Variants in EDRF1 observed in about 807,000 individuals in gnomAD.
EDRF1 encodes erythroid differentiation regulatory factor 1.
EDRF1 carries 69 observed loss-of-function variants against 148.7 expected under a neutral mutation model. The observed-to-expected ratio is 0.46, with a 90% confidence interval of 0.38 to 0.57. The LOEUF (loss-of-function observed/expected upper bound fraction) is 0.57, where lower values mean the gene tolerates loss of function less well. Among genes scored for constraint, EDRF1 ranks in the 20% least tolerant of loss-of-function variants. The pLI is 0.00. For synonymous variants in EDRF1, 515 were observed against 532.8 expected (o/e 0.97, Z 0.46); for missense variants, 1,118 against 1,478.7 (o/e 0.76, Z 4.00).
intron 22 of EDRF1, among the ~76,000 whole-genome samples, chr10:125,749,969 C>T (rs1057147434): frequency 2.0e-5 from 3 of 152,020 alleles, no homozygotes; most frequent in African/African-American, 2.4e-5. Flanking sequence ...AGTGAAACCC[C>T]GTCTCTACTA....
chr10:125,760,282 A>C (rs1850133352), intron 24 of EDRF1, among the ~76,000 whole-genome samples: 1 of 152,250 alleles, frequency 6.6e-6, no homozygotes, highest in Non-Finnish European at 1.5e-5. Context: ...GATTTTTCAC[A>C]AGTCAATCAT....
At position 125,719,755 on chromosome 10, in the gene EDRF1, G is replaced by A. The variant is rs1847883922; in HGVS notation, c.-53G>A. 2 of 1,458,758 alleles carry A rather than the reference G, an allele frequency of 1.4e-6. No individual in the cohort carries two copies. The highest frequency in any genetic ancestry group is 2.8e-5 in the African/African-American group (2 of 71,430). 90.4% of individuals were successfully genotyped at this position (1,458,758 alleles called of 1,614,324 possible). ...GCTTACCCTGCTTTGGGCCTGCGTT[G>A]CTGCTGCTGCTCCTCCGCTCCCCCG... is the stretch of plus-strand genomic sequence containing the variant. On this transcript the variant is annotated 5_prime_UTR_variant, in exon 1 of 25. Coordinates refer to ENST00000356792, the MANE Select transcript of EDRF1 (RefSeq NM_001202438.2).
intron 24 of EDRF1, among the ~76,000 whole-genome samples, chr10:125,754,999 CAG>C (rs1181560827): frequency 2.6e-5 from 4 of 152,158 alleles, no homozygotes; most frequent in African/African-American, 9.7e-5. Context: ...ACAGTTATGA[CAG>C]AAAACAGTTC....
At chr10:125,740,394 A>G (rs1457953550) in intron 15 of EDRF1, 69 bp from the exon 16 acceptor site, 37 of 1,515,914 alleles carry the variant, frequency 2.4e-5, no homozygotes, top group Non-Finnish European at 1.5e-5. Flanking sequence ...GAAACAGAAA[A>G]TATTTTTTGT....
rs1276673900 is a variant in EDRF1, at chr10:125,747,595, T to C, written c.2874T>C (p.Ala958=). The C allele has an allele frequency of 6.2e-7, 1 of 1,614,204 alleles. No individual in the cohort carries two copies. Among genetic ancestry groups the C allele is most frequent in the South Asian group, 1.1e-5 (1 of 91,092 alleles). The change falls in exon 20 of 25, where the codon GCT becomes GCC. Residue 958 remains alanine, a synonymous_variant. Coordinates refer to ENST00000356792, the MANE Select transcript of EDRF1 (RefSeq NM_001202438.2). ...RSLGTRDIHP[A]VWDSVNWELS... Reference sequence around the variant, plus strand: ...TGGGAACACGAGACATACACCCAGCTGTTTGGGATTCAGTGAACTGGGAAT... The same window carrying C: ...TGGGAACACGAGACATACACCCAGCCGTTTGGGATTCAGTGAACTGGGAAT...
At chr10:125,731,295 G>A (rs926926029) in intron 9 of EDRF1, among the ~76,000 whole-genome samples, 25 of 152,222 alleles carry the variant, frequency 1.6e-4, no homozygotes, top group Non-Finnish European at 2.9e-5. Context: ...TAGAAGTGTA[G>A]CACACAGAAA....
Position 125,742,574 on chromosome 10 carries a change from T to G in EDRF1, c.2372-484T>G, listed in dbSNP as rs1849086049. 5.1e-6 allele frequency: 5 copies of G among 985,296 alleles called. No individual in the cohort carries two copies. In the South Asian group the frequency reaches 1.9e-4, roughly 37 times the overall value. The allele number at this position is 985,296 out of a possible 1,614,324, so 61.0% of individuals were successfully genotyped here. The stretch of plus-strand genomic sequence containing the variant: ...TAGTAGGAAAGTCCTTGGTGTATTT[T>G]TACTACTCCCATCATAGCAATTTCA... On this transcript the variant is annotated intron_variant, in intron 17 of 24. Transcript: ENST00000356792.
chr10:125,723,195 C>A, intron 3 of EDRF1, 61 bp downstream of exon 3: 2 of 1,405,880 alleles, frequency 1.4e-6, no homozygotes, highest in Non-Finnish European at 2.0e-6. Flanking sequence ...TGTTTTATAT[C>A]ATGCTGTGTT....
Position 125,750,498 on chromosome 10 carries a change from CAAG to C in EDRF1, c.3277+936_3277+938del, listed in dbSNP as rs2133750430. On this transcript the variant is annotated intron_variant, in intron 22 of 24. Transcript: ENST00000356792. Reference sequence around the variant, plus strand: ...AAATATCTCCTGTGTGGTAAAGAAACAAGAAACAATTATTTGAAGTGCAGCAGT... The same window carrying C: ...AAATATCTCCTGTGTGGTAAAGAAACAAACAATTATTTGAAGTGCAGCAGT... The C allele has an allele frequency of 2.0e-5, 3 of 152,302 alleles. No homozygotes were observed. In the South Asian group the frequency reaches 6.2e-4, roughly 32 times the overall value. The allele number at this position is 152,302 out of a possible 1,614,324, so 9.4% of individuals were successfully genotyped here. A position where few individuals can be genotyped will look rare whatever the true frequency, so the allele number is the denominator to read the frequency against.
intron 12 of EDRF1, 65 bp from the exon 13 acceptor site, chr10:125,735,579 T>C: frequency 6.5e-7 from 1 of 1,533,826 alleles, no homozygotes; most frequent in South Asian, 1.1e-5. Context: ...TTCGTTAGTA[T>C]GGTAGTAAAA....
Position 125,745,823 on chromosome 10 carries a change from TTA to T in EDRF1, c.2709_2710del (p.Cys904Ter). On this transcript the variant is annotated frameshift_variant, in exon 19 of 25. Transcript: ENST00000356792. LOFTEE classifies it high-confidence loss of function. ...IEDATNAALL[L>X]CNTGRLMRIC... ...GGATGCCACCAATGCCGCCCTTTTA[TTA>T]TGTAACACGGGAAGGCTCATGCGGA... 6.2e-7 allele frequency: 1 copy of T among 1,614,238 alleles called. No homozygotes were observed. Among genetic ancestry groups the T allele is most frequent in the Admixed American group, 1.7e-5 (1 of 60,028 alleles).
At chr10:125,738,266 G>T (rs3943225) in intron 14 of EDRF1, 29 bp from the exon 15 acceptor site, 1,421,749 of 1,613,534 alleles carry the variant, frequency 0.88, 627,014 homozygotes, top group East Asian at 0.93. Context: ...AAGTTAGATA[G>T]ATAGTGAATG....
chr10:125,747,482 T>C, intron 19 of EDRF1, 54 bp from the exon 20 acceptor site: 1 of 1,579,312 alleles, frequency 6.3e-7, no homozygotes, highest in Middle Eastern at 1.7e-4. Flanking sequence ...TTTAATGCAG[T>C]ATTGGTATAT....
chr10:125,762,571 G>A (rs1850241627), intron 24 of EDRF1, among the ~76,000 whole-genome samples: 2 of 151,800 alleles, frequency 1.3e-5, no homozygotes, highest in South Asian at 2.1e-4. Flanking sequence ...AGAATTCACC[G>A]ATCCATCATA....
At chr10:125,727,218 C>G (rs1163085782) in intron 6 of EDRF1, among the ~76,000 whole-genome samples, 1 of 152,218 alleles carries the variant, frequency 6.6e-6, no homozygotes, top group African/African-American at 2.4e-5. Context: ...ACTCCACACA[C>G]AGCAAGGCCC....
At chr10:125,739,257 A>G (rs1316146085) in intron 15 of EDRF1, among the ~76,000 whole-genome samples, 1 of 152,176 alleles carries the variant, frequency 6.6e-6, no homozygotes, top group Non-Finnish European at 1.5e-5. Flanking sequence ...TTTCCCCAGC[A>G]TTTATATAGT....
chr10:125,732,438 C>T (rs894825038), intron 9 of EDRF1, among the ~76,000 whole-genome samples: 7 of 152,092 alleles, frequency 4.6e-5, no homozygotes, highest in Non-Finnish European at 1.0e-4. Context: ...GTCTAGTGAG[C>T]ATTTTGAAGT....
intron 24 of EDRF1, among the ~76,000 whole-genome samples, chr10:125,754,960 C>A (rs1352701239): frequency 2.0e-5 from 3 of 152,160 alleles, no homozygotes; most frequent in Admixed American, 1.3e-4. Context: ...CAAACCTTGA[C>A]AAATGCATAT....
chr10:125,721,504 CT>C, intron 2 of EDRF1, 92 bp downstream of exon 2: 1 of 1,173,322 alleles, frequency 8.5e-7, no homozygotes, highest in Non-Finnish European at 1.2e-6. Context: ...TGCCTATTAA[CT>C]TGTCGAGATT....
Sources: gnomAD v4.1 joint callset for allele counts (sites outside exome capture counted in the v4.1 genomes callset) on GRCh38, gnomAD v4.1.1 for gene constraint, MANE v1.5 for transcripts, NCBI Gene and HGNC (gene_info 2026-07-23, HGNC 2026-07-21) for gene names.